Variants in PPARGC1A observed in about 807,000 individuals in gnomAD.
PPARGC1A encodes the protein PPARG coactivator 1 alpha, also known as peroxisome proliferator-activated receptor gamma coactivator 1-alpha.
PPARGC1A carries 25 observed loss-of-function variants against 88.7 expected under a neutral mutation model. The ratio of observed to expected loss-of-function variants is 0.28; its 90% CI spans 0.21 to 0.39. The LOEUF (loss-of-function observed/expected upper bound fraction) is 0.39. Ranked by LOEUF, PPARGC1A falls within the 10% of genes least tolerant of loss-of-function variation. PPARGC1A has a pLI of 1.00. For synonymous variants in PPARGC1A, 363 were observed against 355.6 expected, an observed-to-expected ratio of 1.02 and a Z score of -0.24; for missense variants, 880 against 968.7, an observed-to-expected ratio of 0.91 and a Z score of 1.22.
chr4:23,989,890 C>T, the PPARGC1A span, among the ~76,000 whole-genome samples: 6 of 150,528 alleles, frequency 4.0e-5, no homozygotes, highest in Admixed American at 2.0e-4. Context: ...TATCCCCACC[C>T]CAAAAGGCAA....
chr4:24,114,090 C>T, the PPARGC1A span, among the ~76,000 whole-genome samples: 3 of 140,374 alleles, frequency 2.1e-5, no homozygotes, highest in African/African-American at 8.0e-5. Context: ...TGCCACTGCA[C>T]TCCAGCCTGG....
the PPARGC1A span, among the ~76,000 whole-genome samples, chr4:24,362,134 A>G: frequency 1.2e-4 from 18 of 152,146 alleles, no homozygotes; most frequent in Non-Finnish European, 2.5e-4. Context: ...CCTGTTATGA[A>G]GAGACTATAG....
At chr4:23,890,602 C>CTTTT (rs56855205), upstream of PPARGC1A, among the ~76,000 whole-genome samples, 151 of 103,198 alleles carry the variant, frequency 1.5e-3, 5 homozygotes, top group East Asian at 0.023. Flanking sequence ...GCAAACGGGG[C>CTTTT]TTTTTTTTTT....
chr4:24,284,119 C>G, the PPARGC1A span, among the ~76,000 whole-genome samples: 2 of 124,760 alleles, frequency 1.6e-5, no homozygotes, highest in Non-Finnish European at 3.3e-5. Flanking sequence ...CCCACCTCTA[C>G]TAAAAATACC....
chr4:24,287,716 A>G, the PPARGC1A span, among the ~76,000 whole-genome samples: 1 of 151,894 alleles, frequency 6.6e-6, no homozygotes, highest in Non-Finnish European at 1.5e-5. Context: ...CACAATAGTC[A>G]GAATACCAAG....
chr4:24,077,280 A>T, the PPARGC1A span, among the ~76,000 whole-genome samples: 6 of 152,136 alleles, frequency 3.9e-5, no homozygotes, highest in African/African-American at 1.4e-4. Flanking sequence ...TTCAAGGCAC[A>T]TCTCGTTTAG....
intron 2 of PPARGC1A, among the ~76,000 whole-genome samples, chr4:23,853,541 G>C (rs1729681986): frequency 6.6e-6 from 1 of 152,150 alleles, no homozygotes; most frequent in Non-Finnish European, 1.5e-5. Context: ...ATTTGAACCT[G>C]ATAAGCACTT....
chr4:23,927,010 G>T, the PPARGC1A span, among the ~76,000 whole-genome samples: 5 of 152,132 alleles, frequency 3.3e-5, no homozygotes, highest in East Asian at 1.9e-4. Context: ...TGACAATGGG[G>T]TTATGTCCAA....
chr4:23,834,503 A>G (rs1452796448), intron 2 of PPARGC1A, among the ~76,000 whole-genome samples: 2 of 151,214 alleles, frequency 1.3e-5, no homozygotes, highest in Admixed American at 6.6e-5. Flanking sequence ...AAAAAAAACA[A>G]CCAAACCTCT....
At chr4:24,255,179 AC>A in the PPARGC1A span, among the ~76,000 whole-genome samples, 90 of 152,314 alleles carry the variant, frequency 5.9e-4, 1 homozygote, top group African/African-American at 2.1e-3. Context: ...AATGATGCAA[AC>A]ACAAATACAT....
the PPARGC1A span, among the ~76,000 whole-genome samples, chr4:24,397,997 A>G: frequency 2.0e-5 from 3 of 152,342 alleles, no homozygotes; most frequent in South Asian, 4.1e-4. Context: ...CTAAACCAGT[A>G]AACTCTGAAA....
At chr4:24,323,068 G>T in the PPARGC1A span, among the ~76,000 whole-genome samples, 1 of 152,116 alleles carries the variant, frequency 6.6e-6, no homozygotes. Flanking sequence ...ATTCTGGGTG[G>T]CTCAACTGCT....
chr4:23,877,356 AAT>A (rs1714934265), intron 2 of PPARGC1A, among the ~76,000 whole-genome samples: 1 of 116,306 alleles, frequency 8.6e-6, no homozygotes, highest in Non-Finnish European at 1.8e-5. Context: ...CTCTACTAAA[AAT>A]ACAAAAAAAA....
At chr4:24,090,497 T>A in the PPARGC1A span, among the ~76,000 whole-genome samples, 15 of 152,222 alleles carry the variant, frequency 9.9e-5, no homozygotes, top group African/African-American at 3.1e-4. Context: ...AGAATTTTTT[T>A]AATTGACATT....
At chr4:24,406,235 C>G in the PPARGC1A span, among the ~76,000 whole-genome samples, 1 of 152,194 alleles carries the variant, frequency 6.6e-6, no homozygotes, top group African/African-American at 2.4e-5. Flanking sequence ...AACTTGGACA[C>G]TGCATGTGGC....
chr4:24,173,505 T>G, the PPARGC1A span, among the ~76,000 whole-genome samples: 1 of 152,182 alleles, frequency 6.6e-6, no homozygotes, highest in Non-Finnish European at 1.5e-5. Flanking sequence ...GAGCCCAGCC[T>G]GGGCAACCTA....
chr4:24,165,630 T>C, the PPARGC1A span, among the ~76,000 whole-genome samples: 3 of 152,344 alleles, frequency 2.0e-5, no homozygotes, highest in Admixed American at 6.5e-5. Flanking sequence ...GTAAGTCTCA[T>C]GGTATTTCAA....
the PPARGC1A span, among the ~76,000 whole-genome samples, chr4:24,057,456 T>TA: frequency 0.063 from 8,794 of 139,392 alleles, 894 homozygotes; most frequent in African/African-American, 0.22. Context: ...TAAGATGGTT[T>TA]AAAAAAAAAA....
At chr4:23,958,359 G>T in the PPARGC1A span, among the ~76,000 whole-genome samples, 3 of 152,066 alleles carry the variant, frequency 2.0e-5, no homozygotes, top group Non-Finnish European at 1.5e-5. Context: ...ATGTAAGTCA[G>T]TGTACTGAGG....
Sources: gnomAD v4.1 joint callset for allele counts (sites outside exome capture counted in the v4.1 genomes callset) on GRCh38, gnomAD v4.1.1 for gene constraint, MANE v1.5 for transcripts, NCBI Gene and HGNC (gene_info 2026-07-23, HGNC 2026-07-21) for gene names.